The following PPP2R1A variants were observed in gnomAD, a reference collection of about 807,000 sequenced individuals.
The protein encoded by PPP2R1A is serine/threonine-protein phosphatase 2A 65 kDa regulatory subunit A alpha isoform.
In PPP2R1A, 15 loss-of-function variants were observed where a neutral mutation model predicts 67.1. The ratio of observed to expected loss-of-function variants is 0.22; its 90% CI spans 0.15 to 0.34. The LOEUF is 0.34. PPP2R1A is among the 10% of genes least tolerant of loss of function. PPP2R1A has a pLI of 1.00. For missense variants in PPP2R1A, 369 were observed against 775.0 expected (o/e 0.48, Z 6.22); for synonymous variants, 337 against 325.0 (o/e 1.04, Z -0.40).
At chr19:52,202,066 G>C (rs2122300766) in intron 2 of PPP2R1A, 32 bp downstream of exon 2, 1 of 1,570,820 alleles carries the variant, frequency 6.4e-7, no homozygotes, top group South Asian at 1.1e-5. Context: ...GCCCAGATGT[G>C]GGGACTCTTG....
intron 11 of PPP2R1A, among the ~76,000 whole-genome samples, chr19:52,220,586 T>A (rs754831154): frequency 1.4e-4 from 21 of 152,170 alleles, no homozygotes; most frequent in African/African-American, 2.4e-4. Context: ...TTGAAACTTC[T>A]TATTCTGGTG....
chr19:52,204,858 C>A (rs1476509891), intron 2 of PPP2R1A, among the ~76,000 whole-genome samples: 1 of 152,184 alleles, frequency 6.6e-6, no homozygotes, highest in Non-Finnish European at 1.5e-5. Context: ...AGTCTCCGAA[C>A]AACCCTATGA....
At chr19:52,214,978 T>A (rs1808533) in intron 6 of PPP2R1A, among the ~76,000 whole-genome samples, 3 of 152,204 alleles carry the variant, frequency 2.0e-5, no homozygotes, top group South Asian at 2.1e-4. Context: ...CACCCACCTC[T>A]GTCTCCCAAA....
intron 11 of PPP2R1A, 108 bp downstream of exon 11, chr19:52,220,357 G>A (rs1015506660): frequency 3.9e-5 from 46 of 1,171,314 alleles, no homozygotes; most frequent in African/African-American, 3.8e-4. Context: ...CACTCCCCAC[G>A]CCGCTGGATG....
rs75496217 is a variant in PPP2R1A, at chr19:52,219,322, C to T, written c.1129-369C>T. ...AAATAGTTTTCTTCCTTCCCTTCTC[C>T]CATGTTGTGGATTGATACCCAGAAA... On this transcript the variant is annotated intron_variant, in intron 9 of 14. Coordinates refer to ENST00000322088, the MANE Select transcript of PPP2R1A (RefSeq NM_014225.6). This position sits in a 1 kb window ranked among gnomAD's most constrained non-coding sequence, Gnocchi z 4.0. Among the ~76,000 whole-genome samples the T allele has an allele frequency of 1.6e-4, 24 of 152,218 alleles. No individual in the cohort carries two copies. In the East Asian group the frequency reaches 4.4e-3, roughly 28 times the overall value.
chr19:52,218,664 G>C (rs1332622752), intron 9 of PPP2R1A, among the ~76,000 whole-genome samples: 1 of 152,160 alleles, frequency 6.6e-6, no homozygotes, highest in African/African-American at 2.4e-5. Flanking sequence ...TAATTTGGCA[G>C]GTGAGAGCCC....
chr19:52,193,836 A>G (rs1325629108), intron 1 of PPP2R1A, among the ~76,000 whole-genome samples: 3 of 151,932 alleles, frequency 2.0e-5, no homozygotes, highest in Non-Finnish European at 4.4e-5. Context: ...GATTACAGGC[A>G]TGAGCCACCA....
At position 52,213,915 on chromosome 19, in the gene PPP2R1A, G is replaced by A. The variant is rs1978411473; in HGVS notation, c.807+805G>A. 6.6e-6 allele frequency among the ~76,000 whole-genome samples: 1 copy of A among 152,168 alleles called. No individual in the cohort carries two copies. The highest frequency in any genetic ancestry group is 1.5e-5 in the Non-Finnish European group (1 of 68,028). The stretch of plus-strand genomic sequence containing the variant: ...CCAGATTGCCTCATCCCACAAACAT[G>A]TTTGCTGAGCACCAGCTATTTGCTG... On this transcript the variant is annotated intron_variant, in intron 6 of 14. Coordinates refer to ENST00000322088, the MANE Select transcript of PPP2R1A (RefSeq NM_014225.6). The surrounding 1 kb of genome is among the most constrained non-coding windows in gnomAD (Gnocchi z 4.2).
In PPP2R1A at chr19:52,216,010, G is replaced by C; in HGVS notation, c.929G>C (p.Cys310Ser). The change falls in exon 8 of 15, where the codon TGT (cysteine) becomes TCT (serine). Residue 310 changes from cysteine to serine, a missense_variant. Cys to Ser is a moderately radical substitution (Grantham distance 112). This residue lies in a region of PPP2R1A where 276 missense variants were observed against 508.4 expected (regional missense o/e 0.54). Coordinates refer to ENST00000322088, the MANE Select transcript of PPP2R1A (RefSeq NM_014225.6). This position sits in a 1 kb window ranked among gnomAD's most constrained non-coding sequence, Gnocchi z 4.3. ...AAASHKVKEF[C>S]ENLSADCREN... ...TCCCTCTCCCTGCCCACAGAGTTCTGTGAAAACCTCTCAGCTGACTGTCGG... is the reference window on the plus strand; with the variant it reads ...TCCCTCTCCCTGCCCACAGAGTTCTCTGAAAACCTCTCAGCTGACTGTCGG... 6.2e-7 allele frequency: 1 copy of C among 1,614,066 alleles called. No individual in the cohort carries two copies. The highest frequency in any genetic ancestry group is 8.5e-7 in the Non-Finnish European group (1 of 1,179,894).
intron 2 of PPP2R1A, 64 bp from the exon 3 acceptor site, chr19:52,205,899 T>G: frequency 7.3e-7 from 1 of 1,371,230 alleles, no homozygotes. Flanking sequence ...GTCCATGTGT[T>G]CTGAGCTTGG....
At position 52,222,254 on chromosome 19, in the gene PPP2R1A, T is replaced by C; in HGVS notation, c.1661+13T>C. The C allele has an allele frequency of 1.2e-6, 2 of 1,613,106 alleles. No homozygotes were observed. Among genetic ancestry groups the C allele is most frequent in the Admixed American group, 1.7e-5 (1 of 59,922 alleles). On this transcript the variant is annotated intron_variant, in intron 13 of 14. Transcript: ENST00000322088. ...TCCTGGACAACAGGTGAGGTCTGGA[T>C]ACTCCCCCACACACTGGCAGGGGCT...
At position 52,213,951 on chromosome 19, in the gene PPP2R1A, T is replaced by A. The variant is rs1349907126; in HGVS notation, c.807+841T>A. Among the ~76,000 whole-genome samples, 1 of 152,064 alleles carries A rather than the reference T, an allele frequency of 6.6e-6. No homozygotes were observed. Among genetic ancestry groups the A allele is most frequent in the African/African-American group, 2.4e-5 (1 of 41,386 alleles). ...ACCAGCTATTTGCTGGGCCAGTGAA[T>A]TCGGATCATTCCTGGCCTTCATGGA... On this transcript the variant is annotated intron_variant, in intron 6 of 14. Transcript: ENST00000322088. This position sits in a 1 kb window ranked among gnomAD's most constrained non-coding sequence, Gnocchi z 4.2.
At chr19:52,202,804 AAATGGGCAT>A (rs1193136604) in intron 2 of PPP2R1A, among the ~76,000 whole-genome samples, 2 of 152,252 alleles carry the variant, frequency 1.3e-5, no homozygotes, top group Non-Finnish European at 2.9e-5. Context: ...TTCACAGGTG[AAATGGGCAT>A]AATTATGTAA....
At chr19:52,194,526 G>A (rs1205442726) in intron 1 of PPP2R1A, among the ~76,000 whole-genome samples, 1 of 152,110 alleles carries the variant, frequency 6.6e-6, no homozygotes, top group East Asian at 1.9e-4. Flanking sequence ...TAGGGGTTGG[G>A]CCCTGTTGAG....
In PPP2R1A at chr19:52,216,157, C is replaced by A; in HGVS notation, c.993+83C>A. The A allele has an allele frequency of 6.8e-7, 1 of 1,462,166 alleles. No individual in the cohort carries two copies. The highest frequency in any genetic ancestry group is 9.5e-7 in the Non-Finnish European group (1 of 1,049,768). The allele number at this position is 1,462,166 out of a possible 1,614,324, so 90.6% of individuals were successfully genotyped here. On this transcript the variant is annotated intron_variant, in intron 8 of 14. Transcript: ENST00000322088. This position sits in a 1 kb window ranked among gnomAD's most constrained non-coding sequence, Gnocchi z 4.3. ...CTGGAGACAAGGCTTTGGGGATAGT[C>A]AGCTGCAAACTAGGTTCCCAGCCCT... is the stretch of plus-strand genomic sequence containing the variant.
In PPP2R1A at chr19:52,211,219, T is replaced by C; in HGVS notation, c.271-41T>C. Reference sequence around the variant, plus strand: ...GATGGGGCTCCAGGGCTGCGGATGGTGGAGAGGGAGCTGTCCAGTGACTTT... The same window carrying C: ...GATGGGGCTCCAGGGCTGCGGATGGCGGAGAGGGAGCTGTCCAGTGACTTT... On this transcript the variant is annotated intron_variant, in intron 3 of 14. Coordinates refer to ENST00000322088, the MANE Select transcript of PPP2R1A (RefSeq NM_014225.6). The surrounding 1 kb of genome is among the most constrained non-coding windows in gnomAD (Gnocchi z 5.3). 1 of 1,583,952 alleles carries C rather than the reference T, an allele frequency of 6.3e-7. No individual in the cohort carries two copies. Among genetic ancestry groups the C allele is most frequent in the Non-Finnish European group, 8.6e-7 (1 of 1,161,484 alleles).
At chr19:52,222,302 G>T (rs931236934) in intron 13 of PPP2R1A, 61 bp downstream of exon 13, 1 of 1,560,520 alleles carries the variant, frequency 6.4e-7, no homozygotes. Context: ...CTTAATCTTT[G>T]ACCTTTGAAG....
intron 6 of PPP2R1A, among the ~76,000 whole-genome samples, chr19:52,215,202 C>T (rs1214773333): frequency 6.6e-6 from 1 of 151,890 alleles, no homozygotes; most frequent in African/African-American, 2.4e-5. Context: ...ACGATAGGTG[C>T]CTGCCCCCAC....
chr19:52,218,945 C>A (rs914261017), intron 9 of PPP2R1A, among the ~76,000 whole-genome samples: 3 of 152,212 alleles, frequency 2.0e-5, no homozygotes, highest in African/African-American at 7.2e-5. Context: ...ATTCATCTGA[C>A]TTATATTTGA....
Sources: gnomAD v4.1 joint callset for allele counts (sites outside exome capture counted in the v4.1 genomes callset) on GRCh38, gnomAD v4.1.1 for gene constraint, gnomAD v4.1.1 regional missense constraint, Gnocchi (gnomAD v3.1) non-coding constraint, MANE v1.5 for transcripts, NCBI Gene and HGNC (gene_info 2026-07-23, HGNC 2026-07-21) for gene names.